RYR2: variants seen among roughly 807,000 people sequenced by gnomAD.
The protein encoded by RYR2 is cardiac muscle ryanodine receptor-calcium release channel.
In RYR2, 227 loss-of-function variants were observed where a neutral mutation model predicts 601.1. The ratio of observed to expected loss-of-function variants is 0.38; its 90% CI spans 0.34 to 0.42. The LOEUF (loss-of-function observed/expected upper bound fraction) is 0.42. Ranked by LOEUF, RYR2 falls within the 10% of genes least tolerant of loss-of-function variation. The pLI, the probability that RYR2 is intolerant of heterozygous loss-of-function variation, is 1.00. For synonymous variants in RYR2, 2,223 were observed against 2,175.1 expected (o/e 1.02, Z -0.61); for missense variants, 4,646 against 6,156.5 (o/e 0.75, Z 8.21).
intron 100 of RYR2, among the ~76,000 whole-genome samples, chr1:237,814,976 T>C (rs1030064441): frequency 1.4e-5 from 2 of 146,462 alleles, no homozygotes; most frequent in African/African-American, 5.0e-5. Context: ...TTTTTTTTTT[T>C]TTTTTTTTGC....
Position 237,797,225 on chromosome 1 carries a change from T to C in RYR2, c.13957-812T>C, listed in dbSNP as rs376145415. Among the ~76,000 whole-genome samples the C allele has an allele frequency of 1.4e-4, 22 of 152,036 alleles. No individual in the cohort carries two copies. The East Asian group carries it at 2.9e-3, about 20-fold the overall frequency. ...AGCCCTGCTCTAAAAACATGACAAATGGGCAAAGCCAGGCAGATGGGACAG... is the reference window on the plus strand; with the variant it reads ...AGCCCTGCTCTAAAAACATGACAAACGGGCAAAGCCAGGCAGATGGGACAG... On this transcript the variant is annotated intron_variant, in intron 96 of 104. Coordinates refer to ENST00000366574, the MANE Select transcript of RYR2 (RefSeq NM_001035.3).
intron 1 of RYR2, among the ~76,000 whole-genome samples, chr1:237,241,818 T>C (rs680081): frequency 0.55 from 84,370 of 152,020 alleles, 25,563 homozygotes; most frequent in East Asian, 0.77. Flanking sequence ...TAAACTGTCA[T>C]GGTGCTGGTG....
chr1:237,583,177 A>C (rs1256558086), intron 29 of RYR2, among the ~76,000 whole-genome samples: 41 of 152,100 alleles, frequency 2.7e-4, no homozygotes, highest in Non-Finnish European at 7.4e-5. Flanking sequence ...TCTGATGATT[A>C]GCAATGGGAA....
chr1:237,082,558 A>AT (rs1558200818), intron 1 of RYR2, among the ~76,000 whole-genome samples: 642 of 24,148 alleles, frequency 0.027, 10 homozygotes, highest in African/African-American at 0.037. Context: ...TATATATATA[A>AT]AATCGGATAT....
At chr1:237,810,707 G>A (rs1661158683) in intron 100 of RYR2, among the ~76,000 whole-genome samples, 1 of 152,140 alleles carries the variant, frequency 6.6e-6, no homozygotes, top group Non-Finnish European at 1.5e-5. Flanking sequence ...ATGATCATTA[G>A]TAGTGTCCTG....
Position 237,788,803 on chromosome 1 carries a change from A to G in RYR2, c.13476+668A>G, listed in dbSNP as rs78641136. Reference sequence around the variant, plus strand: ...CACACATTCATATTTGGAAAACAAAAGGTATAGCTCTCTCTATGTCTATTC... The same window carrying G: ...CACACATTCATATTTGGAAAACAAAGGGTATAGCTCTCTCTATGTCTATTC... On this transcript the variant is annotated intron_variant, in intron 92 of 104. Transcript: ENST00000366574. Among the ~76,000 whole-genome samples, 1,498 of 152,182 alleles carry G rather than the reference A, an allele frequency of 9.8e-3. 25 individuals carry two copies. The highest frequency in any genetic ancestry group is 0.034 in the African/African-American group (1,401 of 41,504).
At chr1:237,467,797 CA>C (rs1660246341) in intron 16 of RYR2, among the ~76,000 whole-genome samples, 1 of 151,756 alleles carries the variant, frequency 6.6e-6, no homozygotes, top group Non-Finnish European at 1.5e-5. Flanking sequence ...GGGAGGTTAA[CA>C]GGCGGTAGCC....
chr1:237,454,613 T>C (rs776501820), intron 15 of RYR2, 39 bp downstream of exon 15: 38 of 1,594,906 alleles, frequency 2.4e-5, no homozygotes, highest in Non-Finnish European at 3.0e-5. Flanking sequence ...TCTGTTATTC[T>C]CTTGTAAAAA....
At chr1:237,616,797 G>C (rs1678519065) in intron 37 of RYR2, among the ~76,000 whole-genome samples, 1 of 152,192 alleles carries the variant, frequency 6.6e-6, no homozygotes, top group Non-Finnish European at 1.5e-5. Flanking sequence ...TGGACTCACA[G>C]TTCCACATGG....
intron 100 of RYR2, among the ~76,000 whole-genome samples, chr1:237,816,459 G>A (rs1574071512): frequency 6.6e-6 from 1 of 152,256 alleles, no homozygotes; most frequent in East Asian, 1.9e-4. Context: ...GCCGAGGCGG[G>A]CGGATCACCT....
chr1:237,238,660 C>T (rs1440170271), intron 1 of RYR2, among the ~76,000 whole-genome samples: 2 of 152,288 alleles, frequency 1.3e-5, no homozygotes, highest in Non-Finnish European at 2.9e-5. Context: ...ACTGTAGCAC[C>T]GTCAGGCAGA....
At chr1:237,417,182 G>T in intron 11 of RYR2, 59 bp downstream of exon 11, 1 of 1,322,036 alleles carries the variant, frequency 7.6e-7, no homozygotes, top group Admixed American at 1.8e-5. Flanking sequence ...GCTCAGCGTT[G>T]TGCTTCTGTG....
intron 1 of RYR2, among the ~76,000 whole-genome samples, chr1:237,261,959 T>G (rs542850008): frequency 6.6e-6 from 1 of 152,194 alleles, no homozygotes; most frequent in Non-Finnish European, 1.5e-5. Context: ...CTTGCTAGAA[T>G]GCAAGCCTAA....
intron 16 of RYR2, among the ~76,000 whole-genome samples, chr1:237,458,022 TCA>T (rs1418175615): frequency 1.3e-5 from 2 of 152,178 alleles, no homozygotes; most frequent in Non-Finnish European, 2.9e-5. Flanking sequence ...TTGAGCCACA[TCA>T]CAGTTTCCTG....
chr1:237,515,511 A>G (rs1666328997), intron 24 of RYR2, among the ~76,000 whole-genome samples: 1 of 152,054 alleles, frequency 6.6e-6, no homozygotes, highest in African/African-American at 2.4e-5. Flanking sequence ...AGGGATGGAG[A>G]GGAAAGCAGT....
chr1:237,453,509 A>G (rs945977439), intron 14 of RYR2, among the ~76,000 whole-genome samples: 1 of 152,178 alleles, frequency 6.6e-6, no homozygotes, highest in Non-Finnish European at 1.5e-5. Flanking sequence ...TTGAAATAAA[A>G]TGTTACCATA....
intron 1 of RYR2, among the ~76,000 whole-genome samples, chr1:237,187,114 A>G (rs1471597568): frequency 2.0e-5 from 3 of 151,970 alleles, no homozygotes; most frequent in Admixed American, 6.5e-5. Context: ...TGGCACCCCT[A>G]CCTTCCAAAT....
intron 70 of RYR2, among the ~76,000 whole-genome samples, chr1:237,710,391 A>G (rs573439869): frequency 2.5e-4 from 38 of 152,302 alleles, no homozygotes; most frequent in Non-Finnish European, 4.4e-4. Context: ...AAATCAAGTT[A>G]CTTTGAATAC....
chr1:237,516,420 A>G (rs574611274), intron 24 of RYR2, among the ~76,000 whole-genome samples: 6 of 152,200 alleles, frequency 3.9e-5, no homozygotes, highest in Admixed American at 2.0e-4. Flanking sequence ...TGCCTGGCCA[A>G]TCTTCCCAAG....
Sources: gnomAD v4.1 joint callset for allele counts (sites outside exome capture counted in the v4.1 genomes callset) on GRCh38, gnomAD v4.1.1 for gene constraint, MANE v1.5 for transcripts, NCBI Gene and HGNC (gene_info 2026-07-23, HGNC 2026-07-21) for gene names.